The following CNTN6 variants were observed in gnomAD, a reference collection of about 807,000 sequenced individuals.
CNTN6 encodes the protein contactin 6, also known as contactin-6.
Under a neutral mutation model 122.8 loss-of-function variants are expected in CNTN6, and 137 were observed. The observed-to-expected ratio is 1.12, with a 90% CI of 0.97 to 1.29. The LOEUF (loss-of-function observed/expected upper bound fraction) is 1.29. Among genes scored for constraint, CNTN6 ranks in the 50% most tolerant of loss-of-function variants. The pLI, the probability that CNTN6 is intolerant of heterozygous loss-of-function variation, is 0.00. For synonymous variants in CNTN6, 570 were observed against 426.0 expected (o/e 1.34, Z -4.16); for missense variants, 1,634 against 1,223.4 (o/e 1.34, Z -5.01).
intron 1 of CNTN6, among the ~76,000 whole-genome samples, chr3:1,135,182 A>T (rs979380964): frequency 2.0e-5 from 3 of 148,604 alleles, no homozygotes; most frequent in African/African-American, 7.4e-5. Context: ...CAAATGAATA[A>T]TGCATTTTCT....
At chr3:1,315,133 A>T (rs1332572337) in intron 7 of CNTN6, among the ~76,000 whole-genome samples, 1 of 151,998 alleles carries the variant, frequency 6.6e-6, no homozygotes, top group Non-Finnish European at 1.5e-5. Context: ...GTTTCAAGAG[A>T]TTTAACGATA....
intron 2 of CNTN6, among the ~76,000 whole-genome samples, chr3:1,200,240 A>C (rs1470422204): frequency 1.3e-5 from 2 of 152,058 alleles, no homozygotes; most frequent in African/African-American, 4.8e-5. Context: ...CACCATGTTG[A>C]CCAGACTGGT....
chr3:1,401,365 G>T, intron 20 of CNTN6, 68 bp from the exon 21 acceptor site: 14 of 1,235,042 alleles, frequency 1.1e-5, no homozygotes, highest in Middle Eastern at 1.9e-4. Flanking sequence ...TTCTTTTCAT[G>T]TTGATGCATC....
intron 2 of CNTN6, among the ~76,000 whole-genome samples, chr3:1,155,520 A>G (rs1301616556): frequency 6.6e-6 from 1 of 152,132 alleles, no homozygotes; most frequent in Non-Finnish European, 1.5e-5. Context: ...GTATACTGAA[A>G]GTAGAAAGCT....
chr3:1,384,897 C>T (rs1692628688), intron 19 of CNTN6, among the ~76,000 whole-genome samples: 1 of 150,716 alleles, frequency 6.6e-6, no homozygotes, highest in Non-Finnish European at 1.5e-5. Flanking sequence ...CACTCCATGC[C>T]AAGAATGCCT....
chr3:1,344,866 T>C (rs1193033368), intron 11 of CNTN6, among the ~76,000 whole-genome samples: 2 of 152,196 alleles, frequency 1.3e-5, no homozygotes, highest in Non-Finnish European at 2.9e-5. Context: ...TTGCTGAAAG[T>C]GTGATCTACG....
In CNTN6 at chr3:1,395,013, A is replaced by T. The variant is rs190663008; in HGVS notation, c.2705-6420A>T. Reference sequence around the variant, plus strand: ...TATTCAGCTTTCTTAACTAAATCAAACAAGAAAAACCTCTGTAATTCCTAG... The same window carrying T: ...TATTCAGCTTTCTTAACTAAATCAATCAAGAAAAACCTCTGTAATTCCTAG... On this transcript the variant is annotated intron_variant, in intron 20 of 22. Coordinates refer to ENST00000446702, the MANE Select transcript of CNTN6 (RefSeq NM_001289080.2). Among the ~76,000 whole-genome samples the T allele has an allele frequency of 1.4e-4, 22 of 152,102 alleles. No individual in the cohort carries two copies. The East Asian group carries it at 4.1e-3, about 28-fold the overall frequency.
chr3:1,386,565 T>A (rs552899829), intron 20 of CNTN6, among the ~76,000 whole-genome samples: 1 of 152,180 alleles, frequency 6.6e-6, no homozygotes, highest in Admixed American at 6.5e-5. Flanking sequence ...CAGCAATAAA[T>A]TGGGAAAGGT....
intron 2 of CNTN6, among the ~76,000 whole-genome samples, chr3:1,166,060 G>A (rs6792024): frequency 0.045 from 6,803 of 152,228 alleles, 470 homozygotes; most frequent in African/African-American, 0.15. Flanking sequence ...TATAACTTAT[G>A]AGTCGGTAAC....
At chr3:1,245,970 G>T (rs1230555687) in intron 4 of CNTN6, among the ~76,000 whole-genome samples, 1 of 152,006 alleles carries the variant, frequency 6.6e-6, no homozygotes, top group East Asian at 1.9e-4. Flanking sequence ...ATGAATTTTT[G>T]TTGGGCCACA....
intron 4 of CNTN6, among the ~76,000 whole-genome samples, chr3:1,232,643 A>C (rs897778890): frequency 6.6e-6 from 1 of 152,168 alleles, no homozygotes; most frequent in Non-Finnish European, 1.5e-5. Flanking sequence ...GCCTAAAATC[A>C]CACACCGTAT....
chr3:1,291,843 AG>A (rs1386779940), intron 5 of CNTN6, among the ~76,000 whole-genome samples: 2 of 152,206 alleles, frequency 1.3e-5, no homozygotes. Context: ...GACTTGCAAA[AG>A]AAAATAAAGA....
chr3:1,342,793 G>GA (rs772803676), intron 11 of CNTN6, among the ~76,000 whole-genome samples: 152 of 151,820 alleles, frequency 1.0e-3, no homozygotes, highest in Non-Finnish European at 2.0e-3. Flanking sequence ...GATCAGAACT[G>GA]AAAAAAAATA....
At chr3:1,276,839 C>G (rs1466717410) in intron 4 of CNTN6, among the ~76,000 whole-genome samples, 2 of 152,138 alleles carry the variant, frequency 1.3e-5, no homozygotes, top group East Asian at 3.8e-4. Context: ...AGTTGACGTT[C>G]CAGATTAGCT....
chr3:1,239,973 G>A (rs1422865865), intron 4 of CNTN6, among the ~76,000 whole-genome samples: 1 of 152,086 alleles, frequency 6.6e-6, no homozygotes, highest in Non-Finnish European at 1.5e-5. Context: ...AAAGCCCAGT[G>A]TAGAAGAATG....
intron 11 of CNTN6, among the ~76,000 whole-genome samples, chr3:1,339,079 C>G (rs1019331418): frequency 6.6e-6 from 1 of 151,648 alleles, no homozygotes; most frequent in Non-Finnish European, 1.5e-5. Flanking sequence ...TTTTTTAAGC[C>G]ACTGACTAGA....
chr3:1,095,297 C>G (rs911469900), intron 1 of CNTN6, among the ~76,000 whole-genome samples: 12 of 152,076 alleles, frequency 7.9e-5, no homozygotes, highest in African/African-American at 2.9e-4. Context: ...ATGGTGAAAC[C>G]CCATTTCTAC....
intron 1 of CNTN6, among the ~76,000 whole-genome samples, chr3:1,127,516 T>C (rs1194437407): frequency 6.6e-6 from 1 of 151,936 alleles, no homozygotes; most frequent in East Asian, 1.9e-4. Context: ...TGTATTCTTC[T>C]ATAACAATGA....
chr3:1,389,339 A>ATACTT (rs1050427773), intron 20 of CNTN6, among the ~76,000 whole-genome samples: 8 of 152,104 alleles, frequency 5.3e-5, no homozygotes, highest in Admixed American at 1.3e-4. Context: ...GAGAAATAAA[A>ATACTT]TACTTTACAG....
Sources: allele counts gnomAD v4.1 joint callset (sites outside exome capture counted in the v4.1 genomes callset), GRCh38; gene constraint gnomAD v4.1.1; transcripts MANE v1.5; gene names NCBI Gene and HGNC (gene_info 2026-07-23, HGNC 2026-07-21).